Variants in DLEC1 observed in about 807,000 individuals in gnomAD.
DLEC1 encodes DLEC1 cilia and flagella associated protein.
In DLEC1, 146 loss-of-function variants were observed where a neutral mutation model predicts 198.1. That is an observed-to-expected ratio of 0.74 (90% CI 0.64 to 0.85). The LOEUF (loss-of-function observed/expected upper bound fraction) is 0.85, where lower values mean the gene tolerates loss of function less well. Among genes scored for constraint, DLEC1 ranks in the 40% least tolerant of loss-of-function variants. DLEC1 has a pLI of 0.00. For missense variants in DLEC1, 2,233 were observed against 2,220.0 expected, an observed-to-expected ratio of 1.01 and a Z score of -0.12; for synonymous variants, 897 against 866.8, an observed-to-expected ratio of 1.03 and a Z score of -0.61.
At chr3:38,077,876 C>T (rs1697719639) in intron 6 of DLEC1, among the ~76,000 whole-genome samples, 1 of 152,138 alleles carries the variant, frequency 6.6e-6, no homozygotes, top group South Asian at 2.1e-4. Flanking sequence ...AGTAGAATAG[C>T]AGATGGAACA....
At chr3:38,105,906 T>A (rs1699544412) in intron 19 of DLEC1, among the ~76,000 whole-genome samples, 1 of 152,232 alleles carries the variant, frequency 6.6e-6, no homozygotes, top group South Asian at 2.1e-4. Flanking sequence ...GTTTCTAGTA[T>A]GCCATTTTAA....
intron 2 of DLEC1, among the ~76,000 whole-genome samples, chr3:38,046,630 G>T (rs898320893): frequency 6.6e-6 from 1 of 152,056 alleles, no homozygotes; most frequent in African/African-American, 2.4e-5. Context: ...CTAATACAAG[G>T]CATCTTTTGT....
rs913928620 is a variant in DLEC1 at position 38,112,271 on chromosome 3, G to T, written c.3576G>T (p.Gln1192His). 3.7e-6 allele frequency: 6 copies of T among 1,614,042 alleles called. No individual in the cohort carries two copies. The highest frequency in any genetic ancestry group is 3.3e-5 in the Admixed American group (2 of 60,004). ...KGAAFFPHFS[Q>H]GMLGPYQQLC... ...CTGCTTTCTTCCCTCACTTTTCCCA[G>T]GGCATGCTGGGGCCCTACCAGCAGC... The change falls in exon 25 of 37, where the codon CAG becomes CAT. Residue 1192 changes from glutamine (Q) to histidine (H), a missense_variant. By Grantham distance (24) the Gln-to-His change is conservative. Transcript: ENST00000308059. This position sits in a 1 kb window ranked among gnomAD's most constrained non-coding sequence, Gnocchi z 4.8.
chr3:38,118,006 A>G lies in DLEC1; in HGVS notation c.4686A>G (p.Gln1562=). The part of the protein sequence containing the change: ...TASADKQLVL[Q]AQENMLVNVS... ...CAGCGGACAAGCAGCTGGTGCTCCAAGCACAGGAGAACATGCTGGTCAGTG... is the reference window on the plus strand; with the variant it reads ...CAGCGGACAAGCAGCTGGTGCTCCAGGCACAGGAGAACATGCTGGTCAGTG... Residue 1562 remains glutamine, a synonymous_variant, in exon 33 of 37, where the codon CAA becomes CAG. Coordinates refer to ENST00000308059, the MANE Select transcript of DLEC1 (RefSeq NM_007335.4). 1.2e-6 allele frequency: 2 copies of G among 1,606,568 alleles called. No individual in the cohort carries two copies. The highest frequency in any genetic ancestry group is 1.7e-6 in the Non-Finnish European group (2 of 1,176,478).
intron 6 of DLEC1, among the ~76,000 whole-genome samples, chr3:38,073,920 T>C (rs910940155): frequency 6.6e-6 from 1 of 152,200 alleles, no homozygotes; most frequent in Non-Finnish European, 1.5e-5. Flanking sequence ...GCAGCATCAA[T>C]CTTCAGTCGC....
chr3:38,119,410 C>A (rs1165728497), intron 33 of DLEC1, among the ~76,000 whole-genome samples: 3 of 152,148 alleles, frequency 2.0e-5, no homozygotes, highest in Admixed American at 2.0e-4. Context: ...TTGTCCTAGA[C>A]CCATCTCTGA....
intron 33 of DLEC1, among the ~76,000 whole-genome samples, chr3:38,118,253 C>T (rs748588242): frequency 6.6e-6 from 1 of 152,216 alleles, no homozygotes; most frequent in Non-Finnish European, 1.5e-5. Flanking sequence ...GTTGTGTTCA[C>T]ATACATGCAT....
chr3:38,108,281 T>G, intron 20 of DLEC1, 124 bp from the exon 21 acceptor site: 2 of 759,076 alleles, frequency 2.6e-6, no homozygotes, highest in Non-Finnish European at 4.4e-6. Context: ...GCCCTGTCGG[T>G]TTTGCTGTGG....
At chr3:38,090,703 T>C (rs1483806524) in intron 10 of DLEC1, among the ~76,000 whole-genome samples, 1 of 152,254 alleles carries the variant, frequency 6.6e-6, no homozygotes, top group Non-Finnish European at 1.5e-5. Flanking sequence ...ATCCTTACCA[T>C]GCGGATTGTA....
At chr3:38,122,033 T>G in intron 35 of DLEC1, 38 bp from the exon 36 acceptor site, 1 of 1,608,990 alleles carries the variant, frequency 6.2e-7, no homozygotes, top group Non-Finnish European at 8.5e-7. Context: ...TACATGGGGC[T>G]GCCTGCACTC....
At chr3:38,095,851 G>A (rs144388422) in intron 13 of DLEC1, 37 bp from the exon 14 acceptor site, 134 of 1,612,682 alleles carry the variant, frequency 8.3e-5, no homozygotes, top group Non-Finnish European at 1.0e-4. Context: ...CTGCTGGAAC[G>A]CAGTGGTGTT....
At chr3:38,039,996 A>G (rs1301129330) in intron 1 of DLEC1, among the ~76,000 whole-genome samples, 1 of 152,182 alleles carries the variant, frequency 6.6e-6, no homozygotes, top group Non-Finnish European at 1.5e-5. Context: ...GTGCCTTTGT[A>G]TCACAAACCA....
intron 6 of DLEC1, among the ~76,000 whole-genome samples, chr3:38,068,130 A>G (rs972984378): frequency 1.3e-5 from 2 of 152,206 alleles, no homozygotes; most frequent in Non-Finnish European, 2.9e-5. Flanking sequence ...TAATCTTGTA[A>G]GTTGCACAGC....
chr3:38,054,517 C>T (rs899557121), intron 2 of DLEC1, among the ~76,000 whole-genome samples: 2 of 152,190 alleles, frequency 1.3e-5, no homozygotes, highest in Non-Finnish European at 2.9e-5. Context: ...CACAAGGGGC[C>T]CAGGCAGATG....
chr3:38,072,261 G>T (rs373670873), intron 6 of DLEC1, among the ~76,000 whole-genome samples: 1 of 152,160 alleles, frequency 6.6e-6, no homozygotes, highest in Non-Finnish European at 1.5e-5. Flanking sequence ...AAGTATATGC[G>T]TCAGGTGTGA....
At position 38,096,589 on chromosome 3, in the gene DLEC1, G is replaced by A. The variant is rs1280287954; in HGVS notation, c.2192G>A (p.Gly731Glu). 5.0e-6 allele frequency: 8 copies of A among 1,611,906 alleles called. No homozygotes were observed. The highest frequency in any genetic ancestry group is 5.9e-6 in the Non-Finnish European group (7 of 1,179,832). Residue 731 changes from glycine (G) to glutamate (E), a missense_variant, in exon 15 of 37, where the codon GGG becomes GAG. Coordinates refer to ENST00000308059, the MANE Select transcript of DLEC1 (RefSeq NM_007335.4). ...TTTAGTTCAGAAGCGGAGAGCCTGG[G>A]GCACTCCTCCTACTCTGTGGATGAT... Reference protein sequence around the residue: ...EPVSSEAESLGHSSYSVDDVI... With the variant: ...EPVSSEAESLEHSSYSVDDVI...
rs752953416 is a variant in DLEC1, at chr3:38,095,025, GC to G, written c.2071del (p.His691ThrfsTer8). ...FSIMPRKGVL[S>X]PHTDHEFILS... ...ATCATGCCCAGAAAGGGGGTTCTAA[GC>G]CCCCACACAGACCACGAGTTCATCC... On this transcript the variant is annotated frameshift_variant, in exon 13 of 37. Transcript: ENST00000308059. LOFTEE classifies it high-confidence loss of function. 1.1e-5 allele frequency: 18 copies of G among 1,614,086 alleles called. 1 individual carries two copies. The highest frequency in any genetic ancestry group is 1.5e-5 in the Non-Finnish European group (18 of 1,180,044).
chr3:38,115,417 A>G (rs1170018790), intron 27 of DLEC1, among the ~76,000 whole-genome samples: 1 of 152,168 alleles, frequency 6.6e-6, no homozygotes, highest in African/African-American at 2.4e-5. Flanking sequence ...AGTGTGTGGC[A>G]TACAACTGAA....
chr3:38,084,323 G>T (rs774223717), intron 7 of DLEC1, 78 bp downstream of exon 7: 1 of 1,201,830 alleles, frequency 8.3e-7, no homozygotes. Context: ...TAGTAGTGGT[G>T]GTAGTAATGG....
Sources: allele counts gnomAD v4.1 joint callset (sites outside exome capture counted in the v4.1 genomes callset), GRCh38; gene constraint gnomAD v4.1.1; non-coding constraint Gnocchi (gnomAD v3.1); transcripts MANE v1.5; gene names NCBI Gene and HGNC (gene_info 2026-07-23, HGNC 2026-07-21).